Variants in HDAC9 observed in about 807,000 individuals in gnomAD.
HDAC9 encodes histone deacetylase 9.
In HDAC9, 41 loss-of-function variants were observed where a neutral mutation model predicts 139.4. The ratio of observed to expected loss-of-function variants is 0.29; its 90% CI spans 0.23 to 0.38. The LOEUF (loss-of-function observed/expected upper bound fraction) is 0.38, where lower values mean the gene tolerates loss of function less well. Among genes scored for constraint, HDAC9 ranks in the 10% least tolerant of loss-of-function variants. The pLI is 1.00. For synonymous variants in HDAC9, 517 were observed against 476.2 expected (o/e 1.09, Z -1.12); for missense variants, 1,147 against 1,297.0 (o/e 0.88, Z 1.78).
intron 2 of HDAC9, among the ~76,000 whole-genome samples, chr7:18,221,106 C>CT (rs537033538): frequency 0.014 from 1,977 of 139,636 alleles, 44 homozygotes; most frequent in African/African-American, 0.045. Context: ...ATTTCTATTC[C>CT]TTTTTTTTTT....
chr7:18,212,785 G>A (rs1306247579), intron 2 of HDAC9, among the ~76,000 whole-genome samples: 1 of 152,282 alleles, frequency 6.6e-6, no homozygotes, highest in East Asian at 1.9e-4. Flanking sequence ...TGTGCAGCTG[G>A]AGACTAAACC....
chr7:18,670,084 A>G (rs1388453524), intron 12 of HDAC9, among the ~76,000 whole-genome samples: 1 of 151,946 alleles, frequency 6.6e-6, no homozygotes, highest in African/African-American at 2.4e-5. Flanking sequence ...GTTTTTTTCA[A>G]TAATTGAAGT....
chr7:18,668,239 T>C, intron 12 of HDAC9: 1 of 937,138 alleles, frequency 1.1e-6, no homozygotes, highest in Non-Finnish European at 1.3e-6. Context: ...GTCCTTCTGA[T>C]AATTTGACAA....
chr7:18,888,117 T>A (rs1800328234), intron 22 of HDAC9, among the ~76,000 whole-genome samples: 1 of 152,136 alleles, frequency 6.6e-6, no homozygotes, highest in African/African-American at 2.4e-5. Context: ...TAGAAAGAGC[T>A]CTATAGAAAT....
chr7:18,662,846 A>C lies in HDAC9; in HGVS notation c.1468-3367A>C, dbSNP rs28711567. 3.9e-3 allele frequency among the ~76,000 whole-genome samples: 589 copies of C among 152,228 alleles called. 6 individuals are homozygous for C. Among genetic ancestry groups the C allele is most frequent in the African/African-American group, 0.013 (557 of 41,562 alleles). On this transcript the variant is annotated intron_variant, in intron 11 of 25. Transcript: ENST00000686413. The stretch of plus-strand genomic sequence containing the variant: ...TGAGACCCCATTGGAGGGTGTAGTC[A>C]TGAATTTGGAGAACACTCAGCATGA...
chr7:18,470,047 A>C (rs1367148222), intron 1 of HDAC9, among the ~76,000 whole-genome samples: 4 of 152,144 alleles, frequency 2.6e-5, no homozygotes, highest in Non-Finnish European at 5.9e-5. Flanking sequence ...TTTTTAATTT[A>C]AGAAACAGGG....
intron 1 of HDAC9, among the ~76,000 whole-genome samples, chr7:18,439,979 A>G (rs1054703072): frequency 9.2e-5 from 14 of 152,206 alleles, no homozygotes; most frequent in Admixed American, 8.5e-4. Context: ...TTCAACTTGT[A>G]TTGATGCTTG....
At chr7:18,375,221 G>A (rs1477038926) in intron 1 of HDAC9, among the ~76,000 whole-genome samples, 1 of 152,210 alleles carries the variant, frequency 6.6e-6, no homozygotes, top group Non-Finnish European at 1.5e-5. Flanking sequence ...TGGAATCCCA[G>A]CACTTTGGGA....
chr7:18,882,571 T>C (rs1188328808), intron 22 of HDAC9, among the ~76,000 whole-genome samples: 1 of 151,964 alleles, frequency 6.6e-6, no homozygotes, highest in Non-Finnish European at 1.5e-5. Context: ...CTAATTTTGG[T>C]ATTGGAAAAT....
intron 2 of HDAC9, among the ~76,000 whole-genome samples, chr7:18,208,892 G>A (rs1791738335): frequency 6.6e-6 from 1 of 152,104 alleles, no homozygotes; most frequent in Non-Finnish European, 1.5e-5. Flanking sequence ...ATTGAGTCAG[G>A]AAAAGACTTC....
At chr7:18,747,827 CA>C (rs1176717647) in intron 13 of HDAC9, among the ~76,000 whole-genome samples, 1 of 152,186 alleles carries the variant, frequency 6.6e-6, no homozygotes, top group African/African-American at 2.4e-5. Context: ...ATTATTTGAG[CA>C]CACTCAAGGA....
intron 17 of HDAC9, among the ~76,000 whole-genome samples, chr7:18,801,937 C>T (rs1286931144): frequency 4.0e-5 from 6 of 151,884 alleles, no homozygotes; most frequent in African/African-American, 1.2e-4. Flanking sequence ...ATTATCATAC[C>T]GCTTATTTTT....
chr7:18,244,208 G>A (rs1438573195), intron 2 of HDAC9, among the ~76,000 whole-genome samples: 1 of 152,086 alleles, frequency 6.6e-6, no homozygotes, highest in Non-Finnish European at 1.5e-5. Context: ...TGGAGGGGTG[G>A]GGATGGGATT....
chr7:18,231,584 AGTTAATT>A (rs1176290635), intron 2 of HDAC9, among the ~76,000 whole-genome samples: 1 of 152,184 alleles, frequency 6.6e-6, no homozygotes, highest in Non-Finnish European at 1.5e-5. Context: ...AAATATTTTG[AGTTAATT>A]TTAAGTATGA....
At chr7:18,098,051 C>G (rs531907046) in intron 1 of HDAC9, among the ~76,000 whole-genome samples, 1 of 152,182 alleles carries the variant, frequency 6.6e-6, no homozygotes, top group African/African-American at 2.4e-5. Flanking sequence ...TGCCCTTTTA[C>G]CCTTTCTGGT....
chr7:18,794,638 A>C (rs1375182237), intron 17 of HDAC9, among the ~76,000 whole-genome samples: 1 of 152,220 alleles, frequency 6.6e-6, no homozygotes, highest in Non-Finnish European at 1.5e-5. Flanking sequence ...ACCTTTGAAA[A>C]TGAGCAAATA....
intron 15 of HDAC9, among the ~76,000 whole-genome samples, chr7:18,762,873 A>G (rs1358169163): frequency 6.6e-6 from 1 of 152,196 alleles, no homozygotes; most frequent in Non-Finnish European, 1.5e-5. Flanking sequence ...TTATCGTCAG[A>G]TTTTAAAATA....
intron 1 of HDAC9, among the ~76,000 whole-genome samples, chr7:18,150,725 AACAGGTTTTATTTT>A (rs1678454587): frequency 6.6e-6 from 1 of 152,146 alleles, no homozygotes; most frequent in African/African-American, 2.4e-5. Flanking sequence ...CAACTCACTA[AACAGGTTTTATTTT>A]CCCAATATCA....
intron 16 of HDAC9, among the ~76,000 whole-genome samples, chr7:18,776,489 A>T (rs935316114): frequency 1.3e-5 from 2 of 152,112 alleles, no homozygotes; most frequent in African/African-American, 4.8e-5. Context: ...TGGAACTGCA[A>T]ATACAGTACT....
Sources: allele counts gnomAD v4.1 joint callset (sites outside exome capture counted in the v4.1 genomes callset), GRCh38; gene constraint gnomAD v4.1.1; transcripts MANE v1.5; gene names NCBI Gene and HGNC (gene_info 2026-07-23, HGNC 2026-07-21).